PLEKHA8: variants seen among roughly 807,000 people sequenced by gnomAD.
PLEKHA8 encodes pleckstrin homology domain containing A8.
In PLEKHA8, 36 loss-of-function variants were observed where a neutral mutation model predicts 68.2. The ratio of observed to expected loss-of-function variants is 0.53; its 90% CI spans 0.40 to 0.70. The LOEUF is 0.70. PLEKHA8 is among the 30% of genes least tolerant of loss of function. The pLI, the probability that PLEKHA8 is intolerant of heterozygous loss-of-function variation, is 0.00. For synonymous variants in PLEKHA8, 211 were observed against 216.1 expected (o/e 0.98, Z 0.20); for missense variants, 505 against 615.4 (o/e 0.82, Z 1.90).
rs530947213 is a variant in PLEKHA8 at position 30,045,289 on chromosome 7, C to T, written c.157+88C>T. On this transcript the variant is annotated intron_variant, in intron 2 of 13. Coordinates refer to ENST00000449726, the MANE Select transcript of PLEKHA8 (RefSeq NM_001197026.2). ...GCCCCTGGCCCCTGCATACCTTTCT[C>T]TGCTGCTCCCATAATACAGACCAAG... The T allele has an allele frequency of 5.2e-5, 49 of 935,842 alleles. No homozygotes were observed. In the African/African-American group the frequency reaches 7.6e-4, roughly 15 times the overall value. The allele number at this position is 935,842 out of a possible 1,614,324, so 58.0% of individuals were successfully genotyped here.
chr7:30,076,804 A>G (rs942563721), intron 13 of PLEKHA8, among the ~76,000 whole-genome samples: 1 of 152,196 alleles, frequency 6.6e-6, no homozygotes, highest in African/African-American at 2.4e-5. Context: ...TGGAAGGTTT[A>G]TAAGTTTTCT....
At chr7:30,051,201 C>T (rs1792382414) in intron 6 of PLEKHA8, among the ~76,000 whole-genome samples, 1 of 152,126 alleles carries the variant, frequency 6.6e-6, no homozygotes, top group South Asian at 2.1e-4. Context: ...TGCCCGGCCT[C>T]AAATTATTTA....
intron 5 of PLEKHA8, 191 bp downstream of exon 5, chr7:30,049,573 C>A: frequency 1.5e-6 from 1 of 651,652 alleles, no homozygotes; most frequent in Non-Finnish European, 2.4e-6. Context: ...AATTTTACCA[C>A]CTAAACATGT....
At chr7:30,070,800 T>C (rs942623768) in intron 12 of PLEKHA8, among the ~76,000 whole-genome samples, 2 of 152,176 alleles carry the variant, frequency 1.3e-5, no homozygotes, top group African/African-American at 4.8e-5. Flanking sequence ...CGCCTCGGCC[T>C]CCCAAAGTGC....
chr7:30,062,912 A>G (rs889111767), intron 12 of PLEKHA8, among the ~76,000 whole-genome samples, 170 bp downstream of exon 12: 7 of 152,316 alleles, frequency 4.6e-5, no homozygotes, highest in Admixed American at 3.9e-4. Context: ...AAAAGTACCT[A>G]TGAGACAATG....
chr7:30,091,475 A>C (rs557650528), downstream of PLEKHA8, among the ~76,000 whole-genome samples: 11 of 151,940 alleles, frequency 7.2e-5, no homozygotes, highest in East Asian at 1.7e-3. Flanking sequence ...TTATCTCACT[A>C]CATTTTTTTT....
intron 6 of PLEKHA8, 86 bp downstream of exon 6, chr7:30,050,560 T>C: frequency 1.4e-6 from 2 of 1,396,524 alleles, no homozygotes; most frequent in Non-Finnish European, 1.9e-6. Flanking sequence ...ACTTTGATCT[T>C]GTAATGGTTT....
In PLEKHA8 at chr7:30,081,077, G is replaced by C; in HGVS notation, c.*2290G>C. 2.0e-6 allele frequency: 2 copies of C among 985,336 alleles called. No homozygotes were observed. The allele number at this position is 985,336 out of a possible 1,614,324, so 61.0% of individuals were successfully genotyped here. A position where few individuals can be genotyped will look rare whatever the true frequency, so the allele number is the denominator to read the frequency against. ...ATACACACAAAAGGAAAGCTGCTCA[G>C]CATGGCCATTTTGCATTTGTATAGG... On this transcript the variant is annotated 3_prime_UTR_variant, in exon 14 of 14. Transcript: ENST00000449726.
In PLEKHA8 at chr7:30,081,116, T is replaced by C. The variant is rs183785872; in HGVS notation, c.*2329T>C. ...CATTTGTATAGGTAGTGACTAGATG[T>C]ACACAACTTAATTTGCTGGGAATGA... On this transcript the variant is annotated 3_prime_UTR_variant, in exon 14 of 14. Coordinates refer to ENST00000449726, the MANE Select transcript of PLEKHA8 (RefSeq NM_001197026.2). 4 of 985,398 alleles carry C rather than the reference T, an allele frequency of 4.1e-6. No homozygotes were observed. The East Asian group carries it at 4.5e-4, about 112-fold the overall frequency. 61.0% of individuals were successfully genotyped at this position (985,398 alleles called of 1,614,324 possible).
rs70980590 is a variant in PLEKHA8 at position 30,056,742 on chromosome 7, AGTGTGTGTGTGT to A, written c.1039+1433_1039+1444del. On this transcript the variant is annotated intron_variant, in intron 9 of 13. Transcript: ENST00000449726. Reference sequence around the variant, plus strand: ...CCTGTCTCAAAAAAAAAAAAAAAAAAGTGTGTGTGTGTGTGTGTGTGTGTGTGTGTGTGTGTG... The same window carrying A: ...CCTGTCTCAAAAAAAAAAAAAAAAAAGTGTGTGTGTGTGTGTGTGTGTGTG... 1.4e-3 allele frequency among the ~76,000 whole-genome samples: 104 copies of A among 74,780 alleles called. 1 individual carries two copies. Among genetic ancestry groups the A allele is most frequent in the South Asian group, 2.5e-3 (4 of 1,596 alleles). 49.1% of individuals were successfully genotyped at this position (74,780 alleles called of 152,430 possible). A position where few individuals can be genotyped will look rare whatever the true frequency, so the allele number is the denominator to read the frequency against.
intron 1 of PLEKHA8, among the ~76,000 whole-genome samples, chr7:30,031,065 C>G (rs965352477): frequency 1.3e-5 from 2 of 152,106 alleles, no homozygotes; most frequent in Non-Finnish European, 2.9e-5. Context: ...TGCCTTGTGT[C>G]AAATTTGAGT....
chr7:30,101,243 C>A (rs1795842159), intron 13 of PLEKHA8, among the ~76,000 whole-genome samples: 1 of 151,094 alleles, frequency 6.6e-6, no homozygotes, highest in African/African-American at 2.4e-5. Context: ...CCAACAAAAA[C>A]AATTAGAAAA....
intron 12 of PLEKHA8, among the ~76,000 whole-genome samples, chr7:30,070,102 G>C (rs4722968): frequency 0.78 from 118,975 of 151,814 alleles, 46,797 homozygotes; most frequent in East Asian, 0.95. Context: ...TATTTGCAGC[G>C]TAGAAGTCAG....
chr7:30,102,673 A>G, intron 13 of PLEKHA8, among the ~76,000 whole-genome samples: 1 of 152,252 alleles, frequency 6.6e-6, no homozygotes, highest in Non-Finnish European at 1.5e-5. Flanking sequence ...GCCAGACACA[A>G]AAGGACAAAT....
chr7:30,086,286 G>A (rs1228108540), downstream of PLEKHA8, among the ~76,000 whole-genome samples: 1 of 152,162 alleles, frequency 6.6e-6, no homozygotes, highest in Non-Finnish European at 1.5e-5. Context: ...TGATCCCCAG[G>A]ATCTTTCTCA....
chr7:30,035,151 G>A (rs925709363), intron 1 of PLEKHA8, among the ~76,000 whole-genome samples: 1 of 152,104 alleles, frequency 6.6e-6, no homozygotes, highest in Non-Finnish European at 1.5e-5. Flanking sequence ...AAGTGTAAAA[G>A]GTTGGAGTCA....
intron 9 of PLEKHA8, among the ~76,000 whole-genome samples, chr7:30,056,783 GTGTATATATA>G (rs1433434244): frequency 3.6e-5 from 3 of 83,292 alleles, no homozygotes; most frequent in African/African-American, 1.4e-4. Context: ...GTGTGTGTGT[GTGTATATATA>G]TATGTTATGT....
chr7:30,126,166 T>C (rs6971209), intron 13 of PLEKHA8, among the ~76,000 whole-genome samples: 27,472 of 151,816 alleles, frequency 0.18, 2,601 homozygotes, highest in African/African-American at 0.25. Context: ...CAAGGACAGT[T>C]TCAGGCTTGT....
chr7:30,074,111 G>C lies in PLEKHA8; in HGVS notation c.1341G>C (p.Trp447Cys), dbSNP rs1562532320. 1 of 1,613,170 alleles carries C rather than the reference G, an allele frequency of 6.2e-7. No individual in the cohort carries two copies. The highest frequency in any genetic ancestry group is 8.5e-7 in the Non-Finnish European group (1 of 1,179,384). ...YGKTLRQHHG[W>C]VVRGVFALAL... is the part of the protein sequence containing the mutation. ...AAACATTGCGGCAACACCATGGCTG[G>C]GTAGTTCGAGGGGTTTTTGCGGTAA... The change falls in exon 13 of 14, where the codon TGG becomes TGC. Residue 447 changes from tryptophan to cysteine, a missense_variant. Transcript: ENST00000449726.
Sources: gnomAD v4.1 joint callset for allele counts (sites outside exome capture counted in the v4.1 genomes callset) on GRCh38, gnomAD v4.1.1 for gene constraint, MANE v1.5 for transcripts, NCBI Gene and HGNC (gene_info 2026-07-23, HGNC 2026-07-21) for gene names.